Variants in RABEPK observed in about 807,000 individuals in gnomAD.
The protein encoded by RABEPK is 40 kDa Rab9 effector protein.
RABEPK carries 27 observed loss-of-function variants against 34.1 expected under a neutral mutation model. That is an observed-to-expected ratio of 0.79 (90% CI 0.58 to 1.09). RABEPK has a LOEUF of 1.09. RABEPK is among the 50% of genes least tolerant of loss of function. The probability of loss-of-function intolerance (pLI) is 0.00; values close to 1 mark genes in which losing one functional copy is unlikely to be tolerated. For synonymous variants in RABEPK, 172 were observed against 169.2 expected (o/e 1.02, Z -0.13); for missense variants, 449 against 462.6 (o/e 0.97, Z 0.27).
intron 4 of RABEPK, among the ~76,000 whole-genome samples, chr9:125,214,559 A>G (rs144459876): frequency 2.0e-5 from 3 of 152,238 alleles, no homozygotes; most frequent in East Asian, 1.9e-4. Flanking sequence ...TGCTGTTTCC[A>G]TCACTGGCAG....
chr9:125,227,967 G>T lies in RABEPK; in HGVS notation c.584G>T (p.Gly195Val). 1 of 1,609,592 alleles carries T rather than the reference G, an allele frequency of 6.2e-7. No individual in the cohort carries two copies. The highest frequency in any genetic ancestry group is 8.5e-7 in the Non-Finnish European group (1 of 1,177,554). ...TLGNPPSPRH[G>V]HVMVAAGTKL... ...GGAAATCCTCCATCTCCCCGGCATG[G>T]TCATGTGATGGTGGCAGCAGGGACA... The change falls in exon 6 of 8, where the codon GGT becomes GTT. Residue 195 changes from glycine (G) to valine (V), a missense_variant. By Grantham distance (109) the Gly-to-Val change is moderately radical. Coordinates refer to ENST00000373538, the MANE Select transcript of RABEPK (RefSeq NM_005833.4).
chr9:125,218,421 G>A (rs78227755), intron 4 of RABEPK, among the ~76,000 whole-genome samples: 4,991 of 150,602 alleles, frequency 0.033, 239 homozygotes, highest in African/African-American at 0.11. Flanking sequence ...AATGTGCAGA[G>A]CTTCAGTTTC....
chr9:125,215,153 C>A (rs1052633857), intron 4 of RABEPK, among the ~76,000 whole-genome samples: 5 of 151,004 alleles, frequency 3.3e-5, no homozygotes, highest in Non-Finnish European at 7.4e-5. Context: ...ACTATATTTA[C>A]ACATTCATAA....
chr9:125,228,156 G>A (rs560901152), intron 6 of RABEPK, 97 bp downstream of exon 6: 1 of 1,112,726 alleles, frequency 9.0e-7, no homozygotes, highest in African/African-American at 1.6e-5. Flanking sequence ...AGGCTGGAGT[G>A]CGGTGGCATG....
chr9:125,228,498 A>C (rs1207969227), intron 6 of RABEPK, among the ~76,000 whole-genome samples: 1 of 151,584 alleles, frequency 6.6e-6, no homozygotes, highest in Non-Finnish European at 1.5e-5. Context: ...GTCTACTAAA[A>C]ATACAAAAAT....
At chr9:125,232,852 C>A (rs10986661) in intron 7 of RABEPK, 107 bp downstream of exon 7, 93,356 of 1,172,436 alleles carry the variant, frequency 0.08, 4,609 homozygotes, top group African/African-American at 0.19. Flanking sequence ...CCGAGGCAGG[C>A]AGATCACGAG....
chr9:125,213,514 T>C lies in RABEPK; in HGVS notation c.356T>C (p.Leu119Pro). Residue 119 changes from leucine (L) to proline (P), a missense_variant, in exon 4 of 8, where the codon CTG becomes CCG. By Grantham distance (98) the Leu-to-Pro change is moderately conservative (BLOSUM62 -3). Transcript: ENST00000373538. ...QSGNRNCLQV[L>P]NPETRTWTTP... ...GGAAATCGAAATTGTCTACAAGTCC[T>C]GAATCCTGGTAAGTAGCCAAAGGTT... is the stretch of plus-strand genomic sequence containing the variant. 1.2e-6 allele frequency: 2 copies of C among 1,613,358 alleles called. No homozygotes were observed. The highest frequency in any genetic ancestry group is 1.7e-6 in the Non-Finnish European group (2 of 1,179,798).
chr9:125,212,061 A>G (rs1485136071), intron 3 of RABEPK, among the ~76,000 whole-genome samples: 5 of 152,202 alleles, frequency 3.3e-5, no homozygotes, highest in Admixed American at 2.6e-4. Flanking sequence ...CAACCTATTA[A>G]TAGCTTTGTG....
Position 125,228,070 on chromosome 9 carries a change from C to A in RABEPK, c.676+11C>A, listed in dbSNP as rs751751009. The A allele has an allele frequency of 6.7e-7, 1 of 1,483,978 alleles. No individual in the cohort carries two copies. Among genetic ancestry groups the A allele is most frequent in the Non-Finnish European group, 9.0e-7 (1 of 1,109,918 alleles). 91.9% of individuals were successfully genotyped at this position (1,483,978 alleles called of 1,614,324 possible). ...ACTGCATTGATATAAGTAAGCAGGGCATGGGGGCTTGTCTGTTTAAAATTG... is the reference window on the plus strand; with the variant it reads ...ACTGCATTGATATAAGTAAGCAGGGAATGGGGGCTTGTCTGTTTAAAATTG... On this transcript the variant is annotated intron_variant, in intron 6 of 7. Coordinates refer to ENST00000373538, the MANE Select transcript of RABEPK (RefSeq NM_005833.4).
intron 5 of RABEPK, among the ~76,000 whole-genome samples, chr9:125,225,201 A>G (rs957649298): frequency 1.3e-5 from 2 of 152,056 alleles, no homozygotes; most frequent in African/African-American, 4.8e-5. Flanking sequence ...CCTGGGCAAC[A>G]TGGTCAATCC....
chr9:125,233,725 T>C lies in RABEPK; in HGVS notation c.864T>C (p.Leu288=). 1.2e-6 allele frequency: 2 copies of C among 1,614,134 alleles called. No individual in the cohort carries two copies. The highest frequency in any genetic ancestry group is 1.7e-6 in the Non-Finnish European group (2 of 1,180,004). Residue 288 remains leucine, a synonymous_variant, in exon 8 of 8, where the codon CTT becomes CTC. Transcript: ENST00000373538. ...QHWTLLKFDT[L]LPPGRLDHSM... is the part of the protein sequence containing the mutation. ...GGACCTTGCTTAAATTTGATACTCT[T>C]CTACCCCCTGGACGATTGGACCATT...
At chr9:125,225,452 G>T (rs1831666265) in intron 5 of RABEPK, among the ~76,000 whole-genome samples, 1 of 152,044 alleles carries the variant, frequency 6.6e-6, no homozygotes, top group African/African-American at 2.4e-5. Context: ...GGGAGGCCCA[G>T]GGGGGTGGAT....
intron 2 of RABEPK, among the ~76,000 whole-genome samples, chr9:125,206,923 C>G (rs1830259852): frequency 6.6e-6 from 1 of 152,004 alleles, no homozygotes; most frequent in South Asian, 2.1e-4. Context: ...AATCCCATCT[C>G]TACTAAAAAT....
At chr9:125,204,254 G>A (rs961328273) in intron 2 of RABEPK, among the ~76,000 whole-genome samples, 35 of 150,618 alleles carry the variant, frequency 2.3e-4, no homozygotes, top group African/African-American at 8.3e-4. Flanking sequence ...CAGCCTGGGC[G>A]ACAGAGCGAG....
chr9:125,205,033 G>C (rs1830134248), intron 2 of RABEPK, among the ~76,000 whole-genome samples: 1 of 151,812 alleles, frequency 6.6e-6, no homozygotes, highest in Non-Finnish European at 1.5e-5. Flanking sequence ...ATGTTGCCCA[G>C]GCTGGTCTCA....
chr9:125,233,944 A>C lies in RABEPK; in HGVS notation c.1083A>C (p.Glu361Asp). 6.2e-7 allele frequency: 1 copy of C among 1,613,218 alleles called. No individual in the cohort carries two copies. Among genetic ancestry groups the C allele is most frequent in the African/African-American group, 1.3e-5 (1 of 75,010 alleles). The change falls in exon 8 of 8, where the codon GAA becomes GAC. Residue 361 changes from glutamate (E) to aspartate (D), a missense_variant. Glu to Asp is a conservative substitution (Grantham distance 45). Transcript: ENST00000373538. ...TTGGTGGGATGAATACAGAAGGGGA[A>C]ATCTATGACGATTGTATTGTGACTG... ...LVFGGMNTEG[E>D]IYDDCIVTVV...
chr9:125,220,368 A>G, intron 4 of RABEPK, 171 bp from the exon 5 acceptor site: 3 of 1,462,504 alleles, frequency 2.1e-6, no homozygotes, highest in South Asian at 1.5e-5. Flanking sequence ...GGCAAATCCT[A>G]AGTATCATCT....
At chr9:125,208,461 C>A (rs1830382701) in intron 3 of RABEPK, among the ~76,000 whole-genome samples, 1 of 152,132 alleles carries the variant, frequency 6.6e-6, no homozygotes, top group Admixed American at 6.6e-5. Context: ...CAACCTCTGC[C>A]TCCCAGGTTC....
chr9:125,224,545 C>T (rs1445992737), intron 5 of RABEPK, among the ~76,000 whole-genome samples: 4 of 151,460 alleles, frequency 2.6e-5, no homozygotes, highest in Non-Finnish European at 5.9e-5. Flanking sequence ...CTCCACCTCC[C>T]GGGTTCAAGC....
Sources: allele counts gnomAD v4.1 joint callset (sites outside exome capture counted in the v4.1 genomes callset), GRCh38; gene constraint gnomAD v4.1.1; transcripts MANE v1.5; gene names NCBI Gene and HGNC (gene_info 2026-07-23, HGNC 2026-07-21).